AOPEP: variants seen among roughly 807,000 people sequenced by gnomAD.
AOPEP encodes aminopeptidase O.
A neutral mutation model predicts 98.1 loss-of-function variants in AOPEP; 77 were observed. The ratio of observed to expected loss-of-function variants is 0.78; its 90% CI spans 0.65 to 0.95. AOPEP has a LOEUF of 0.95. AOPEP is among the 40% of genes least tolerant of loss of function. The probability of loss-of-function intolerance (pLI) is 0.00; values close to 1 mark genes in which losing one functional copy is unlikely to be tolerated. For synonymous variants in AOPEP, 346 were observed against 365.3 expected (o/e 0.95, Z 0.60); for missense variants, 1,024 against 1,024.7 (o/e 1.00, Z 0.01).
intron 7 of AOPEP, among the ~76,000 whole-genome samples, chr9:94,939,791 A>T (rs959464311): frequency 1.3e-5 from 2 of 152,160 alleles, no homozygotes; most frequent in East Asian, 3.8e-4. Context: ...CCATACCAAA[A>T]TCTCAGGATG....
intron 13 of AOPEP, among the ~76,000 whole-genome samples, chr9:95,026,510 C>G (rs190070023): frequency 5.3e-5 from 8 of 152,306 alleles, no homozygotes; most frequent in African/African-American, 1.9e-4. Context: ...GCATGCATGT[C>G]GCAGTGTGTA....
chr9:94,770,502 C>A (rs1840621558), intron 2 of AOPEP, among the ~76,000 whole-genome samples: 1 of 152,176 alleles, frequency 6.6e-6, no homozygotes, highest in East Asian at 1.9e-4. Context: ...GGAAAATCCT[C>A]TTTCAGACTC....
chr9:94,853,094 T>A (rs2043758115), intron 5 of AOPEP, among the ~76,000 whole-genome samples: 1 of 152,132 alleles, frequency 6.6e-6, no homozygotes, highest in Non-Finnish European at 1.5e-5. Context: ...GACAAATGAT[T>A]CCTTTGAGTA....
intron 5 of AOPEP, among the ~76,000 whole-genome samples, chr9:94,911,169 C>T (rs2051982538): frequency 2.6e-5 from 4 of 152,202 alleles, no homozygotes; most frequent in Non-Finnish European, 5.9e-5. Context: ...TTAAAATGAG[C>T]TCTCCTTTAC....
At chr9:94,780,018 C>T (rs1274438199) in intron 3 of AOPEP, among the ~76,000 whole-genome samples, 1 of 152,184 alleles carries the variant, frequency 6.6e-6, no homozygotes, top group Admixed American at 6.5e-5. Context: ...AATCATTTGG[C>T]AGTACTCACA....
chr9:94,767,448 G>A (rs919281163), intron 2 of AOPEP, among the ~76,000 whole-genome samples: 4 of 152,184 alleles, frequency 2.6e-5, no homozygotes, highest in African/African-American at 9.6e-5. Context: ...GCAGTGCCCC[G>A]TATCACCAAG....
At chr9:94,935,940 G>A (rs2056207594) in intron 7 of AOPEP, among the ~76,000 whole-genome samples, 1 of 152,114 alleles carries the variant, frequency 6.6e-6, no homozygotes, top group Non-Finnish European at 1.5e-5. Context: ...CCCACAACAG[G>A]GTAGGAGACT....
chr9:94,873,395 T>G (rs1177067799), intron 5 of AOPEP, among the ~76,000 whole-genome samples: 1 of 152,214 alleles, frequency 6.6e-6, no homozygotes, highest in African/African-American at 2.4e-5. Flanking sequence ...CCAGAATTCT[T>G]TGGAATTAAC....
At chr9:94,867,791 A>C (rs1320153963) in intron 5 of AOPEP, among the ~76,000 whole-genome samples, 1 of 152,310 alleles carries the variant, frequency 6.6e-6, no homozygotes, top group East Asian at 1.9e-4. Context: ...AATATCAGGG[A>C]ACATTTCTTG....
chr9:95,047,797 T>A (rs1168031607), intron 13 of AOPEP, among the ~76,000 whole-genome samples: 6 of 152,200 alleles, frequency 3.9e-5, no homozygotes, highest in Non-Finnish European at 8.8e-5. Flanking sequence ...GCCATGCAAA[T>A]GTTCTGGTTG....
the AOPEP span, among the ~76,000 whole-genome samples, chr9:95,129,788 A>C: frequency 3.9e-5 from 6 of 152,110 alleles, no homozygotes; most frequent in African/African-American, 1.4e-4. Flanking sequence ...CTCCCCCCTC[A>C]GGCTTTTCAC....
At chr9:95,133,415 A>T in the AOPEP span, among the ~76,000 whole-genome samples, 1 of 152,246 alleles carries the variant, frequency 6.6e-6, no homozygotes, top group Non-Finnish European at 1.5e-5. Flanking sequence ...TGCACACATG[A>T]TCCCGATAAA....
chr9:94,956,711 G>GT (rs376439321), intron 9 of AOPEP, among the ~76,000 whole-genome samples: 11 of 152,244 alleles, frequency 7.2e-5, no homozygotes, highest in African/African-American at 2.7e-4. Context: ...TTAACAAGGA[G>GT]TGGCAGGCTC....
At chr9:95,027,990 AT>A (rs2063978798) in intron 13 of AOPEP, among the ~76,000 whole-genome samples, 1 of 152,206 alleles carries the variant, frequency 6.6e-6, no homozygotes, top group Non-Finnish European at 1.5e-5. Flanking sequence ...TCTCAGCAGA[AT>A]CATGAGCCTC....
intron 11 of AOPEP, among the ~76,000 whole-genome samples, chr9:94,994,081 G>GA (rs1368691159): frequency 6.6e-6 from 1 of 152,196 alleles, no homozygotes; most frequent in Non-Finnish European, 1.5e-5. Flanking sequence ...CAGCCAGGTA[G>GA]AGACACACTT....
intron 2 of AOPEP, chr9:94,763,189 G>T: frequency 2.5e-6 from 1 of 405,528 alleles, no homozygotes; most frequent in South Asian, 1.9e-5. Context: ...GAAAGAGAAT[G>T]ACTTTTTTTG....
At chr9:95,021,497 T>C (rs1167842499) in intron 13 of AOPEP, among the ~76,000 whole-genome samples, 1 of 152,210 alleles carries the variant, frequency 6.6e-6, no homozygotes, top group Non-Finnish European at 1.5e-5. Flanking sequence ...ACAATAGCAT[T>C]ACCTAATCAC....
downstream of AOPEP, among the ~76,000 whole-genome samples, chr9:95,091,531 C>T (rs1463577157): frequency 3.3e-5 from 5 of 152,080 alleles, no homozygotes; most frequent in Non-Finnish European, 7.3e-5. Flanking sequence ...CGGTGGCCAC[C>T]CAAGAGGTTT....
intron 7 of AOPEP, chr9:94,933,469 A>G (rs1055818866): frequency 1.0e-6 from 1 of 985,282 alleles, no homozygotes; most frequent in Non-Finnish European, 1.2e-6. Context: ...CGCTTTAAGG[A>G]GGTGCAACAG....
Sources: allele counts gnomAD v4.1 joint callset (sites outside exome capture counted in the v4.1 genomes callset), GRCh38; gene constraint gnomAD v4.1.1; transcripts MANE v1.5; gene names NCBI Gene and HGNC (gene_info 2026-07-23, HGNC 2026-07-21).